CLIP2: variants seen among roughly 807,000 people sequenced by gnomAD.
The protein encoded by CLIP2 is CAP-Gly domain-containing linker protein 2.
Under a neutral mutation model 111.7 loss-of-function variants are expected in CLIP2, and 41 were observed. The ratio of observed to expected loss-of-function variants is 0.37; its 90% CI spans 0.29 to 0.48. The LOEUF (loss-of-function observed/expected upper bound fraction) is 0.48, where lower values mean the gene tolerates loss of function less well. Ranked by LOEUF, CLIP2 falls within the 20% of genes least tolerant of loss-of-function variation. The pLI, the probability that CLIP2 is intolerant of heterozygous loss-of-function variation, is 0.99. For synonymous variants in CLIP2, 660 were observed against 644.2 expected (o/e 1.02, Z -0.37); for missense variants, 1,160 against 1,422.1 (o/e 0.82, Z 2.96).
chr7:74,302,937 C>T (rs1012455381), intron 1 of CLIP2, among the ~76,000 whole-genome samples: 8 of 152,222 alleles, frequency 5.3e-5, no homozygotes, highest in South Asian at 2.1e-4. Context: ...GGGGCTCCCT[C>T]GTACCTCTAC....
rs1790081774 is a variant in CLIP2, at chr7:74,353,999, C to A, written c.798C>A (p.Gly266=). ...GGAAGAATGATGGGGCGGTGGCGGG[C>A]ACCAGGTATGGTGGGCTTCTTCTGG... ...PLGKNDGAVA[G]TRYFQCPPKF... The change falls in exon 4 of 17, where the codon GGC becomes GGA. Residue 266 remains glycine, a synonymous_variant. Transcript: ENST00000223398. 6.2e-7 allele frequency: 1 copy of A among 1,611,190 alleles called. No homozygotes were observed. Among genetic ancestry groups the A allele is most frequent in the Non-Finnish European group, 8.5e-7 (1 of 1,178,170 alleles).
intron 1 of CLIP2, among the ~76,000 whole-genome samples, chr7:74,301,859 C>T (rs868956410): frequency 6.6e-6 from 1 of 151,340 alleles, no homozygotes; most frequent in Non-Finnish European, 1.5e-5. Flanking sequence ...ATTACAGGTG[C>T]CCTCCACCAC....
intron 7 of CLIP2, among the ~76,000 whole-genome samples, chr7:74,361,406 G>C (rs1418518050): frequency 6.6e-6 from 1 of 151,708 alleles, no homozygotes; most frequent in Admixed American, 6.6e-5. Flanking sequence ...TAGTAGAGAT[G>C]GGGTTTTACC....
At chr7:74,299,847 G>T (rs1181117957) in intron 1 of CLIP2, among the ~76,000 whole-genome samples, 1 of 145,346 alleles carries the variant, frequency 6.9e-6, no homozygotes, top group Non-Finnish European at 1.5e-5. Flanking sequence ...ACAGGCATGT[G>T]CCCCCATGCC....
intron 4 of CLIP2, 50 bp downstream of exon 4, chr7:74,354,054 G>T: frequency 6.4e-7 from 1 of 1,563,952 alleles, no homozygotes; most frequent in Non-Finnish European, 8.7e-7. Context: ...CTCTCCCCAG[G>T]GTGGGCGCAG....
In CLIP2 at chr7:74,356,471, G is replaced by A. The variant is rs781987204; in HGVS notation, c.865G>A (p.Gly289Ser). The A allele has an allele frequency of 9.9e-6, 16 of 1,614,030 alleles. No homozygotes were observed. Among genetic ancestry groups the A allele is most frequent in the Admixed American group, 5.0e-5 (3 of 59,988 alleles). ...GCCCATCCACAAAGTGATCCGTATC[G>A]GCTTCCCATCTACCAGCCCAGCCAA... Reference protein sequence around the residue: ...FAPIHKVIRIGFPSTSPAKAK... With the variant: ...FAPIHKVIRISFPSTSPAKAK... The change falls in exon 5 of 17, where the codon GGC (glycine) becomes AGC (serine). Residue 289 changes from glycine (G) to serine (S), a missense_variant. By Grantham distance (56) the Gly-to-Ser change is moderately conservative (BLOSUM62 0). Coordinates refer to ENST00000223398, the MANE Select transcript of CLIP2 (RefSeq NM_003388.5).
Position 74,338,417 on chromosome 7 carries a change from C to A in CLIP2, c.122-31C>A. On this transcript the variant is annotated intron_variant, in intron 2 of 16. Coordinates refer to ENST00000223398, the MANE Select transcript of CLIP2 (RefSeq NM_003388.5). This position sits in a 1 kb window ranked among gnomAD's most constrained non-coding sequence, Gnocchi z 4.3. ...ACCCAGGGGCCAGCCCTAACAGCCA[C>A]CTCTTTCCCTTTCCCTCTCCTTCTC... 6.2e-7 allele frequency: 1 copy of A among 1,605,442 alleles called. No homozygotes were observed. Among genetic ancestry groups the A allele is most frequent in the Non-Finnish European group, 8.5e-7 (1 of 1,176,908 alleles).
At chr7:74,388,406 A>G (rs1380188573) in intron 12 of CLIP2, among the ~76,000 whole-genome samples, 7 of 151,928 alleles carry the variant, frequency 4.6e-5, no homozygotes, top group Non-Finnish European at 7.4e-5. Flanking sequence ...AGGTTGAGGC[A>G]GGAGAATTGC....
intron 1 of CLIP2, among the ~76,000 whole-genome samples, chr7:74,293,912 CT>C (rs1460804520): frequency 6.7e-6 from 1 of 149,892 alleles, no homozygotes; most frequent in Non-Finnish European, 1.5e-5. Context: ...GGGACTCGGG[CT>C]TTTTTTTTGT....
intron 9 of CLIP2, among the ~76,000 whole-genome samples, chr7:74,374,094 C>T (rs1790711413): frequency 6.6e-6 from 1 of 152,094 alleles, no homozygotes; most frequent in Non-Finnish European, 1.5e-5. Context: ...GCCAGCCGGC[C>T]CCCCAGCAGT....
rs782087309 is a variant in CLIP2, at chr7:74,338,478, C to A, written c.152C>A (p.Pro51His). 1 of 1,612,134 alleles carries A rather than the reference C, an allele frequency of 6.2e-7. No homozygotes were observed. Among genetic ancestry groups the A allele is most frequent in the Non-Finnish European group, 8.5e-7 (1 of 1,179,750 alleles). Residue 51 changes from proline (P) to histidine (H), a missense_variant, in exon 3 of 17, where the codon CCC becomes CAC. Pro to His is a moderately conservative substitution (Grantham distance 77). Transcript: ENST00000223398. This position sits in a 1 kb window ranked among gnomAD's most constrained non-coding sequence, Gnocchi z 4.3. ...CCACTGCACAAACAGTCATCTGGAC[C>A]CTCCTCCTCCCCGGCCGCAGCTGCT... Reference protein sequence around the residue: ...GSPLHKQSSGPSSSPAAAAAP... With the variant: ...GSPLHKQSSGHSSSPAAAAAP...
At chr7:74,379,705 G>A (rs1416834165) in intron 10 of CLIP2, among the ~76,000 whole-genome samples, 5 of 152,056 alleles carry the variant, frequency 3.3e-5, no homozygotes, top group African/African-American at 1.2e-4. Flanking sequence ...GGCAGAGGTT[G>A]CAGTGAGCCG....
intron 2 of CLIP2, among the ~76,000 whole-genome samples, chr7:74,333,689 C>T (rs1235935714): frequency 4.0e-5 from 6 of 151,296 alleles, no homozygotes; most frequent in African/African-American, 1.5e-4. Flanking sequence ...CACTGTGTTA[C>T]CCAGGCTGGT....
At chr7:74,330,770 C>T (rs1789256568) in intron 2 of CLIP2, among the ~76,000 whole-genome samples, 1 of 151,990 alleles carries the variant, frequency 6.6e-6, no homozygotes, top group African/African-American at 2.4e-5. Flanking sequence ...TGTAACTGCT[C>T]CTTGGTTTGG....
At chr7:74,341,512 T>C (rs914233919) in intron 3 of CLIP2, among the ~76,000 whole-genome samples, 25 of 152,076 alleles carry the variant, frequency 1.6e-4, no homozygotes, top group Non-Finnish European at 4.4e-5. Context: ...TGAAGTGACA[T>C]GTGACAAGTG....
intron 9 of CLIP2, among the ~76,000 whole-genome samples, chr7:74,374,688 T>G (rs146218279): frequency 0.01 from 1,566 of 151,854 alleles, 26 homozygotes; most frequent in African/African-American, 0.036. Flanking sequence ...GCCACTACAC[T>G]CCAGCCTGGG....
chr7:74,398,738 G>A (rs913960438), intron 14 of CLIP2, among the ~76,000 whole-genome samples: 7 of 150,232 alleles, frequency 4.7e-5, no homozygotes, highest in Admixed American at 6.7e-5. Context: ...GAGTCCTGCC[G>A]GCCTTCAAGT....
At chr7:74,355,158 G>A (rs189596479) in intron 4 of CLIP2, among the ~76,000 whole-genome samples, 1 of 152,306 alleles carries the variant, frequency 6.6e-6, no homozygotes, top group Admixed American at 6.5e-5. Flanking sequence ...ATGGCACAGG[G>A]GAAGAGCTAG....
At chr7:74,389,386 C>T (rs557342385) in intron 13 of CLIP2, 127 bp downstream of exon 13, 8 of 900,096 alleles carry the variant, frequency 8.9e-6, no homozygotes, top group South Asian at 5.4e-5. Context: ...TGGCCGATCT[C>T]GAGCGATCAC....
Sources: allele counts gnomAD v4.1 joint callset (sites outside exome capture counted in the v4.1 genomes callset), GRCh38; gene constraint gnomAD v4.1.1; non-coding constraint Gnocchi (gnomAD v3.1); transcripts MANE v1.5; gene names NCBI Gene and HGNC (gene_info 2026-07-23, HGNC 2026-07-21).